Variants in IQCM observed in about 807,000 individuals in gnomAD.
IQCM encodes the protein IQ domain-containing protein M.
A neutral mutation model predicts 57.6 loss-of-function variants in IQCM; 45 were observed. That is an observed-to-expected ratio of 0.78 (90% confidence interval 0.62 to 1.00). The LOEUF (loss-of-function observed/expected upper bound fraction) is 1.00, where lower values mean the gene tolerates loss of function less well. Ranked by LOEUF, IQCM falls within the 50% of genes least tolerant of loss-of-function variation. The pLI, the probability that IQCM is intolerant of heterozygous loss-of-function variation, is 0.00. For missense variants in IQCM, 468 were observed against 511.6 expected (o/e 0.91, Z 0.82); for synonymous variants, 148 against 158.9 (o/e 0.93, Z 0.51).
chr4:149,606,232 C>T (rs1463814863), intron 8 of IQCM, among the ~76,000 whole-genome samples: 2 of 152,092 alleles, frequency 1.3e-5, no homozygotes, highest in Non-Finnish European at 2.9e-5. Flanking sequence ...CTCCAGGCAG[C>T]CCAGTACAGA....
intron 13 of IQCM, among the ~76,000 whole-genome samples, chr4:149,412,593 C>G (rs1733468678): frequency 6.6e-6 from 1 of 152,066 alleles, no homozygotes; most frequent in Non-Finnish European, 1.5e-5. Flanking sequence ...ATGTGAGGTG[C>G]TGTAGATAGA....
At chr4:149,484,343 G>T (rs1447845186) in intron 12 of IQCM, among the ~76,000 whole-genome samples, 3 of 151,790 alleles carry the variant, frequency 2.0e-5, no homozygotes, top group African/African-American at 7.2e-5. Flanking sequence ...CTGCCATTTT[G>T]TTATTTGTTT....
intron 12 of IQCM, among the ~76,000 whole-genome samples, chr4:149,473,812 C>A (rs1739865186): frequency 6.6e-6 from 1 of 152,126 alleles, no homozygotes; most frequent in African/African-American, 2.4e-5. Context: ...ATGATGAGTT[C>A]ATGTCCTTTG....
intron 8 of IQCM, among the ~76,000 whole-genome samples, chr4:149,602,788 A>G (rs72957428): frequency 0.018 from 2,774 of 152,154 alleles, 54 homozygotes; most frequent in African/African-American, 0.055. Flanking sequence ...CTTTTCATAT[A>G]TGATTATCTA....
At chr4:149,683,675 C>T (rs1440124359) in intron 6 of IQCM, among the ~76,000 whole-genome samples, 2 of 151,340 alleles carry the variant, frequency 1.3e-5, no homozygotes, top group East Asian at 3.9e-4. Flanking sequence ...ATTTCCTTTG[C>T]TTTCTAATAT....
chr4:149,593,152 C>G (rs1437464222), intron 8 of IQCM, among the ~76,000 whole-genome samples: 1 of 152,018 alleles, frequency 6.6e-6, no homozygotes, highest in Admixed American at 6.6e-5. Context: ...GTTTGTAGTT[C>G]TCCTTGAAGA....
chr4:149,572,221 A>G (rs995870454), intron 9 of IQCM, among the ~76,000 whole-genome samples: 1 of 151,970 alleles, frequency 6.6e-6, no homozygotes, highest in Non-Finnish European at 1.5e-5. Context: ...TCAGGTTTAT[A>G]CTTATTTTCT....
intron 7 of IQCM, among the ~76,000 whole-genome samples, chr4:149,661,142 A>G (rs1386866035): frequency 2.0e-5 from 3 of 152,036 alleles, no homozygotes; most frequent in Non-Finnish European, 4.4e-5. Flanking sequence ...TCTATACTTA[A>G]TTTGTTGAGA....
chr4:149,508,049 T>C (rs1744010444), intron 12 of IQCM, among the ~76,000 whole-genome samples: 1 of 151,834 alleles, frequency 6.6e-6, no homozygotes, highest in African/African-American at 2.4e-5. Context: ...CACATGGTGT[T>C]GAACCTACGA....
intron 2 of IQCM, among the ~76,000 whole-genome samples, chr4:149,783,942 G>A (rs1771846786): frequency 6.6e-6 from 1 of 152,132 alleles, no homozygotes; most frequent in Non-Finnish European, 1.5e-5. Flanking sequence ...CATGGAAGTG[G>A]ATTCATCCTC....
At chr4:149,659,662 T>C (rs910754742) in intron 7 of IQCM, among the ~76,000 whole-genome samples, 4 of 152,058 alleles carry the variant, frequency 2.6e-5, no homozygotes, top group African/African-American at 9.7e-5. Flanking sequence ...AACAGAGCCC[T>C]CAGAAATAAC....
rs369581216 is a variant in IQCM, at chr4:149,673,743, G to C, written c.565+8375C>G. Among the ~76,000 whole-genome samples the C allele has an allele frequency of 3.4e-3, 525 of 152,212 alleles. 1 individual carries two copies. Among genetic ancestry groups the C allele is most frequent in the Non-Finnish European group, 5.7e-3 (388 of 68,002 alleles). On this transcript the variant is annotated intron_variant, in intron 7 of 13. Transcript: ENST00000636793. ...ACAGAAAGTTAACAAGGATATCCAG[G>C]AATTGAACTCAGCTCTGCACCAAGC...
intron 5 of IQCM, among the ~76,000 whole-genome samples, chr4:149,696,521 A>G (rs1295107086): frequency 6.6e-6 from 1 of 152,146 alleles, no homozygotes. Context: ...TCATACACCA[A>G]AGACACCAAA....
intron 13 of IQCM, among the ~76,000 whole-genome samples, chr4:149,393,447 T>C (rs116463090): frequency 0.015 from 2,321 of 151,774 alleles, 39 homozygotes; most frequent in African/African-American, 0.044. Context: ...ACGGAAGCAT[T>C]TTTTTAAAAA....
chr4:149,511,111 C>T (rs1029083045), intron 12 of IQCM, among the ~76,000 whole-genome samples: 2 of 152,198 alleles, frequency 1.3e-5, no homozygotes, highest in Non-Finnish European at 2.9e-5. Context: ...CAGTATCTTT[C>T]TCAGCTTCAT....
chr4:149,381,025 T>C (rs1480689275), intron 13 of IQCM, among the ~76,000 whole-genome samples: 3 of 152,178 alleles, frequency 2.0e-5, no homozygotes, highest in Admixed American at 2.0e-4. Context: ...CTCCTGAATT[T>C]CCCCCAAAGG....
chr4:149,560,291 G>A (rs1749996142), intron 10 of IQCM, among the ~76,000 whole-genome samples: 1 of 152,072 alleles, frequency 6.6e-6, no homozygotes, highest in Admixed American at 6.6e-5. Context: ...AGATTCTCCA[G>A]GGCTGTTCCA....
At chr4:149,429,977 A>C in intron 13 of IQCM, 1 of 1,224,974 alleles carries the variant, frequency 8.2e-7, no homozygotes, top group Non-Finnish European at 1.0e-6. Context: ...ATAGACTCTA[A>C]ACAACAAACA....
chr4:149,417,175 T>A (rs972370050), intron 13 of IQCM, among the ~76,000 whole-genome samples: 8 of 152,162 alleles, frequency 5.3e-5, no homozygotes, highest in Admixed American at 4.6e-4. Flanking sequence ...AATTCAAGAT[T>A]GCAAAGTTGC....
Sources: allele counts gnomAD v4.1 joint callset (sites outside exome capture counted in the v4.1 genomes callset), GRCh38; gene constraint gnomAD v4.1.1; transcripts MANE v1.5; gene names NCBI Gene and HGNC (gene_info 2026-07-23, HGNC 2026-07-21).